The following CAMKMT variants were observed in gnomAD, a reference collection of about 807,000 sequenced individuals.
CAMKMT encodes calmodulin-lysine N-methyltransferase.
Under a neutral mutation model 48.0 loss-of-function variants are expected in CAMKMT, and 53 were observed. The observed-to-expected ratio is 1.10, with a 90% CI of 0.89 to 1.39. CAMKMT has a LOEUF of 1.39. Among genes scored for constraint, CAMKMT ranks in the 40% most tolerant of loss-of-function variants. The probability of loss-of-function intolerance (pLI) is 0.00; values close to 1 mark genes in which losing one functional copy is unlikely to be tolerated. For synonymous variants in CAMKMT, 165 were observed against 152.3 expected (o/e 1.08, Z -0.61); for missense variants, 428 against 402.7 (o/e 1.06, Z -0.54).
intron 3 of CAMKMT, among the ~76,000 whole-genome samples, chr2:44,410,245 A>ATTTTTTT (rs1683103730): frequency 9.5e-5 from 1 of 10,562 alleles, no homozygotes; most frequent in African/African-American, 8.6e-4. Flanking sequence ...ATATATATAT[A>ATTTTTTT]TATTTTTTTT....
At chr2:44,575,125 C>A (rs189116585) in intron 3 of CAMKMT, among the ~76,000 whole-genome samples, 4 of 151,988 alleles carry the variant, frequency 2.6e-5, no homozygotes, top group Non-Finnish European at 4.4e-5. Flanking sequence ...GTCACCCAGG[C>A]TGGGGTGCAG....
chr2:44,541,722 G>A (rs1031082992), intron 3 of CAMKMT, among the ~76,000 whole-genome samples: 1 of 150,436 alleles, frequency 6.6e-6, no homozygotes, highest in Non-Finnish European at 1.5e-5. Context: ...AGTGAGCCAT[G>A]AGTGTGCCAC....
chr2:44,753,879 A>G (rs1329959831), intron 8 of CAMKMT, among the ~76,000 whole-genome samples, 176 bp from the exon 9 acceptor site: 1 of 152,224 alleles, frequency 6.6e-6, no homozygotes, highest in Non-Finnish European at 1.5e-5. Context: ...GATAACACTG[A>G]CCACAATATC....
chr2:44,455,834 C>T (rs1208099496), intron 3 of CAMKMT, among the ~76,000 whole-genome samples: 3 of 151,978 alleles, frequency 2.0e-5, no homozygotes, highest in Non-Finnish European at 4.4e-5. Flanking sequence ...TTTTAGAATT[C>T]ATTGTAGTTG....
At chr2:44,600,736 G>T (rs540467761) in intron 3 of CAMKMT, among the ~76,000 whole-genome samples, 1 of 152,096 alleles carries the variant, frequency 6.6e-6, no homozygotes, top group African/African-American at 2.4e-5. Context: ...AAATTGGTTT[G>T]TTATTCCTAT....
At chr2:44,371,897 T>G (rs1035591696) in intron 1 of CAMKMT, among the ~76,000 whole-genome samples, 1 of 152,188 alleles carries the variant, frequency 6.6e-6, no homozygotes. Context: ...TGGAGGAGGA[T>G]CCAAATAAAA....
chr2:44,438,862 T>C (rs1666455785), intron 3 of CAMKMT, among the ~76,000 whole-genome samples: 1 of 152,112 alleles, frequency 6.6e-6, no homozygotes. Flanking sequence ...AACTCACCCT[T>C]GCATAGGACT....
At chr2:44,378,380 C>T (rs925749443) in intron 2 of CAMKMT, among the ~76,000 whole-genome samples, 2 of 152,162 alleles carry the variant, frequency 1.3e-5, no homozygotes, top group African/African-American at 2.4e-5. Flanking sequence ...TCCTAAAACC[C>T]ATGAGACTGG....
intron 3 of CAMKMT, among the ~76,000 whole-genome samples, chr2:44,432,242 G>T (rs1684692334): frequency 6.6e-6 from 1 of 152,162 alleles, no homozygotes; most frequent in Admixed American, 6.5e-5. Context: ...GATAAAACCA[G>T]ATACTCCTGT....
intron 3 of CAMKMT, among the ~76,000 whole-genome samples, chr2:44,397,632 G>A (rs539899367): frequency 6.6e-6 from 1 of 151,850 alleles, no homozygotes; most frequent in South Asian, 2.1e-4. Flanking sequence ...AGCCCTACAC[G>A]TTTGTTATCA....
At chr2:44,769,160 A>G (rs1680994181) in intron 10 of CAMKMT, among the ~76,000 whole-genome samples, 1 of 152,060 alleles carries the variant, frequency 6.6e-6, no homozygotes, top group Non-Finnish European at 1.5e-5. Flanking sequence ...GATTTAGGCA[A>G]CCACCCATGA....
intron 3 of CAMKMT, among the ~76,000 whole-genome samples, chr2:44,683,586 C>T (rs188935241): frequency 2.8e-3 from 427 of 151,980 alleles, no homozygotes; most frequent in African/African-American, 9.8e-3. Context: ...TTTGGGAGGC[C>T]GAGGCGGGCG....
intron 8 of CAMKMT, among the ~76,000 whole-genome samples, chr2:44,750,331 A>AT (rs1250593505): frequency 6.6e-6 from 1 of 151,894 alleles, no homozygotes; most frequent in Non-Finnish European, 1.5e-5. Context: ...TAATTTTTGT[A>AT]TTTTTAGTAG....
At chr2:44,652,133 C>A (rs756528637) in intron 3 of CAMKMT, among the ~76,000 whole-genome samples, 2 of 152,192 alleles carry the variant, frequency 1.3e-5, no homozygotes, top group Non-Finnish European at 2.9e-5. Flanking sequence ...AATAAAATAA[C>A]TCTACCCACA....
chr2:44,549,572 G>C (rs897691429), intron 3 of CAMKMT: 1 of 693,212 alleles, frequency 1.4e-6, no homozygotes, highest in Non-Finnish European at 2.6e-6. Flanking sequence ...GTCTCACTCT[G>C]TTGCCCAGGC....
At chr2:44,686,252 G>T (rs536080224) in intron 3 of CAMKMT, among the ~76,000 whole-genome samples, 2 of 152,024 alleles carry the variant, frequency 1.3e-5, no homozygotes, top group African/African-American at 4.8e-5. Context: ...AATTAGCCGG[G>T]CATGGTGGCG....
intron 3 of CAMKMT, among the ~76,000 whole-genome samples, chr2:44,590,441 T>C (rs1162510809): frequency 1.3e-5 from 2 of 152,348 alleles, no homozygotes; most frequent in African/African-American, 4.8e-5. Context: ...TTTTTAATGA[T>C]TGCCATTCTA....
At chr2:44,572,005 AT>A (rs1668933302) in intron 3 of CAMKMT, among the ~76,000 whole-genome samples, 1 of 152,200 alleles carries the variant, frequency 6.6e-6, no homozygotes, top group Non-Finnish European at 1.5e-5. Context: ...TAAAACATAT[AT>A]AATCTTTTAC....
intron 3 of CAMKMT, among the ~76,000 whole-genome samples, chr2:44,493,606 A>G (rs1669617590): frequency 1.3e-5 from 2 of 152,168 alleles, no homozygotes; most frequent in Admixed American, 6.5e-5. Context: ...TGATAAAGAC[A>G]TTTTTGACCA....
Sources: allele counts gnomAD v4.1 joint callset (sites outside exome capture counted in the v4.1 genomes callset), GRCh38; gene constraint gnomAD v4.1.1; transcripts MANE v1.5; gene names NCBI Gene and HGNC (gene_info 2026-07-23, HGNC 2026-07-21).